The following IL20RB variants were observed in gnomAD, a reference collection of about 807,000 sequenced individuals.
IL20RB encodes interleukin-20 receptor subunit beta.
Under a neutral mutation model 33.3 loss-of-function variants are expected in IL20RB, and 21 were observed. That is an observed-to-expected ratio of 0.63 (90% confidence interval 0.45 to 0.91). The LOEUF (loss-of-function observed/expected upper bound fraction) is 0.91. Ranked by LOEUF, IL20RB falls within the 40% of genes least tolerant of loss-of-function variation. IL20RB has a pLI of 0.00. For missense variants in IL20RB, 345 were observed against 384.8 expected, an observed-to-expected ratio of 0.90 and a Z score of 0.86; for synonymous variants, 147 against 146.8, an observed-to-expected ratio of 1.00 and a Z score of -0.01.
chr3:136,992,242 T>C (rs1185849264), intron 5 of IL20RB, among the ~76,000 whole-genome samples, 154 bp downstream of exon 5: 2 of 152,226 alleles, frequency 1.3e-5, no homozygotes, highest in African/African-American at 4.8e-5. Flanking sequence ...TGAAATTATG[T>C]TTGTGAATCT....
At chr3:136,993,224 T>A (rs1225269399) in intron 5 of IL20RB, among the ~76,000 whole-genome samples, 1 of 152,028 alleles carries the variant, frequency 6.6e-6, no homozygotes, top group Non-Finnish European at 1.5e-5. Context: ...AAGAGGTGAG[T>A]GTGCCCCATT....
At chr3:136,990,141 T>C (rs1487447601) in intron 4 of IL20RB, among the ~76,000 whole-genome samples, 1 of 151,772 alleles carries the variant, frequency 6.6e-6, no homozygotes, top group African/African-American at 2.4e-5. Context: ...AGGCCAGCCC[T>C]CACAGAGGGA....
At position 136,958,000 on chromosome 3, in the gene IL20RB, G is replaced by A. The variant is rs1040703160; in HGVS notation, c.-114G>A. ...CCGGCTCTAGAACAATTCAGGCTTC[G>A]CTGCGACTCAGACCTCAGCTCCAAC... On this transcript the variant is annotated 5_prime_UTR_variant, in exon 1 of 7. Transcript: ENST00000329582. 6 of 695,476 alleles carry A rather than the reference G, an allele frequency of 8.6e-6. No homozygotes were observed. The highest frequency in any genetic ancestry group is 1.8e-5 in the South Asian group (1 of 56,090). 43.1% of individuals were successfully genotyped at this position (695,476 alleles called of 1,614,324 possible).
At chr3:136,991,888 G>A in intron 4 of IL20RB, 50 bp from the exon 5 acceptor site, 2 of 1,594,418 alleles carry the variant, frequency 1.3e-6, no homozygotes, top group South Asian at 2.3e-5. Flanking sequence ...GGGATTATAG[G>A]CGTGAGCCAC....
intron 1 of IL20RB, among the ~76,000 whole-genome samples, chr3:136,975,463 C>T (rs767095881): frequency 3.9e-5 from 6 of 152,092 alleles, no homozygotes; most frequent in Admixed American, 2.0e-4. Context: ...CTCAGCCTCC[C>T]GAGTAGCTGG....
chr3:136,989,614 C>T, intron 4 of IL20RB, 49 bp downstream of exon 4: 1 of 1,606,976 alleles, frequency 6.2e-7, no homozygotes, highest in Non-Finnish European at 8.5e-7. Flanking sequence ...AAAGAAGGCA[C>T]AGATTTCTGA....
chr3:136,980,535 T>C lies in IL20RB; in HGVS notation c.158T>C (p.Met53Thr). Residue 53 changes from methionine to threonine, a missense_variant, in exon 2 of 7, where the codon ATG becomes ACG. Met to Thr is a moderately conservative substitution (Grantham distance 81, BLOSUM62 -1). Transcript: ENST00000329582. ...VLSTNMKHLL[M>T]WSPVIAPGET... ...TCAACCAACATGAAGCATCTCTTGA[T>C]GTGGAGCCCAGTGATCGCGCCTGGA... The C allele has an allele frequency of 1.2e-6, 2 of 1,614,214 alleles. No individual in the cohort carries two copies. The highest frequency in any genetic ancestry group is 3.3e-5 in the Admixed American group (2 of 60,030).
intron 1 of IL20RB, among the ~76,000 whole-genome samples, chr3:136,962,285 T>C (rs1266937226): frequency 6.6e-6 from 1 of 152,192 alleles, no homozygotes; most frequent in Non-Finnish European, 1.5e-5. Flanking sequence ...GTAGAGACAC[T>C]TTCTTAACCA....
intron 1 of IL20RB, among the ~76,000 whole-genome samples, chr3:136,976,937 A>G (rs1381106323): frequency 6.6e-6 from 1 of 152,134 alleles, no homozygotes; most frequent in African/African-American, 2.4e-5. Flanking sequence ...TCAGGACTAC[A>G]TGATTCCATG....
At chr3:136,996,479 A>AGG (rs1184230160) in intron 6 of IL20RB, among the ~76,000 whole-genome samples, 5 of 152,170 alleles carry the variant, frequency 3.3e-5, no homozygotes, top group African/African-American at 1.2e-4. Flanking sequence ...CAACTTATAC[A>AGG]TGCCCATAGC....
intron 1 of IL20RB, among the ~76,000 whole-genome samples, chr3:136,973,341 A>G (rs76877892): frequency 2.6e-5 from 4 of 151,746 alleles, no homozygotes; most frequent in African/African-American, 9.7e-5. Context: ...AAAAAAAAAA[A>G]TTATCCGGGC....
chr3:136,970,562 T>C, intron 1 of IL20RB, among the ~76,000 whole-genome samples: 1 of 152,194 alleles, frequency 6.6e-6, no homozygotes, highest in East Asian at 1.9e-4. Flanking sequence ...TGGAATTGGG[T>C]AGATTGATTC....
intron 6 of IL20RB, among the ~76,000 whole-genome samples, chr3:137,000,019 G>A (rs913235853): frequency 2.0e-5 from 3 of 152,142 alleles, no homozygotes; most frequent in African/African-American, 7.2e-5. Context: ...TTTATTTGGT[G>A]TAGGTCACAT....
intron 3 of IL20RB, among the ~76,000 whole-genome samples, chr3:136,986,212 C>CAAATAAAT (rs751861399): frequency 0.013 from 1,729 of 138,138 alleles, 28 homozygotes; most frequent in African/African-American, 0.033. Context: ...GACTCCATCT[C>CAAATAAAT]AAATAAATAA....
At chr3:136,958,908 A>ACTTT (rs1201480326) in intron 1 of IL20RB, among the ~76,000 whole-genome samples, 1 of 107,688 alleles carries the variant, frequency 9.3e-6, no homozygotes. Context: ...AGCCTTGAGT[A>ACTTT]CTTTCTCTCT....
chr3:137,000,687 C>T (rs957609468), intron 6 of IL20RB, among the ~76,000 whole-genome samples: 10 of 152,164 alleles, frequency 6.6e-5, no homozygotes, highest in African/African-American at 1.7e-4. Flanking sequence ...TAATCCAAAG[C>T]GATGGTAATG....
At chr3:136,959,646 T>C (rs566736026) in intron 1 of IL20RB, 1 of 152,334 alleles carries the variant, frequency 6.6e-6, no homozygotes, top group East Asian at 1.9e-4. Context: ...TTATAAGTAT[T>C]TTCTTGAAAA....
At chr3:136,985,898 G>A (rs1360455969) in intron 3 of IL20RB, among the ~76,000 whole-genome samples, 1 of 152,170 alleles carries the variant, frequency 6.6e-6, no homozygotes, top group East Asian at 1.9e-4. Flanking sequence ...AGAAAGAAAT[G>A]GGCTCAAATT....
intron 6 of IL20RB, among the ~76,000 whole-genome samples, chr3:137,003,658 G>T (rs1032705313): frequency 6.6e-6 from 1 of 152,174 alleles, no homozygotes; most frequent in Non-Finnish European, 1.5e-5. Context: ...AGCTTAAGGA[G>T]ATTTTGGGCT....
Sources: allele counts gnomAD v4.1 joint callset (sites outside exome capture counted in the v4.1 genomes callset), GRCh38; gene constraint gnomAD v4.1.1; transcripts MANE v1.5; gene names NCBI Gene and HGNC (gene_info 2026-07-23, HGNC 2026-07-21).